The following KIAA0586 variants were observed in gnomAD, a reference collection of about 807,000 sequenced individuals.
The protein encoded by KIAA0586 is protein TALPID3.
Under a neutral mutation model 169.8 loss-of-function variants are expected in KIAA0586, and 144 were observed. The observed-to-expected ratio is 0.85, with a 90% CI of 0.74 to 0.97. The LOEUF (loss-of-function observed/expected upper bound fraction) is 0.97. KIAA0586 is among the 50% of genes least tolerant of loss of function. The pLI, the probability that KIAA0586 is intolerant of heterozygous loss-of-function variation, is 0.00. For missense variants in KIAA0586, 1,854 were observed against 1,823.0 expected (o/e 1.02, Z -0.31); for synonymous variants, 625 against 612.4 (o/e 1.02, Z -0.30).
At chr14:58,547,568 TCTGA>T (rs1449545210) in intron 30 of KIAA0586, among the ~76,000 whole-genome samples, 1 of 152,174 alleles carries the variant, frequency 6.6e-6, no homozygotes, top group African/African-American at 2.4e-5. Context: ...TGATGTTGTC[TCTGA>T]CTGATTAGGA....
At chr14:58,519,028 A>G (rs2044984096) in intron 29 of KIAA0586, among the ~76,000 whole-genome samples, 2 of 152,200 alleles carry the variant, frequency 1.3e-5, no homozygotes, top group Non-Finnish European at 1.5e-5. Context: ...GCTACTTGGG[A>G]GGCTGAGACA....
intron 16 of KIAA0586, among the ~76,000 whole-genome samples, chr14:58,468,294 A>G (rs1177505604): frequency 6.6e-6 from 1 of 151,818 alleles, no homozygotes; most frequent in Non-Finnish European, 1.5e-5. Context: ...AGGTGAATCC[A>G]CCTGCATTGG....
At chr14:58,558,589 T>G in the KIAA0586 span, among the ~76,000 whole-genome samples, 1 of 152,196 alleles carries the variant, frequency 6.6e-6, no homozygotes, top group African/African-American at 2.4e-5. Flanking sequence ...TTTTTGCATA[T>G]GAAACAAGCA....
chr14:58,452,604 G>C (rs2039481788), intron 8 of KIAA0586, among the ~76,000 whole-genome samples: 1 of 152,150 alleles, frequency 6.6e-6, no homozygotes, highest in African/African-American at 2.4e-5. Context: ...TATTTTACTG[G>C]ACTTCGTGAT....
chr14:58,513,522 C>T (rs151300436), intron 29 of KIAA0586, among the ~76,000 whole-genome samples: 16 of 151,656 alleles, frequency 1.1e-4, no homozygotes, highest in Non-Finnish European at 1.8e-4. Flanking sequence ...TTTCACTCTT[C>T]CATTTGTTGT....
At chr14:58,559,508 A>T in the KIAA0586 span, among the ~76,000 whole-genome samples, 1 of 152,146 alleles carries the variant, frequency 6.6e-6, no homozygotes, top group Admixed American at 6.5e-5. Flanking sequence ...ACTGGTTTTT[A>T]TATTTTGTCC....
chr14:58,507,211 TTA>T (rs1179858385), intron 27 of KIAA0586, among the ~76,000 whole-genome samples: 5 of 142,278 alleles, frequency 3.5e-5, no homozygotes, highest in South Asian at 2.2e-4. Flanking sequence ...TATGTATGAT[TTA>T]TATATATAAA....
Position 58,427,917 on chromosome 14 carries a change from C to G in KIAA0586, c.-348C>G. 4 of 1,373,484 alleles carry G rather than the reference C, an allele frequency of 2.9e-6. No homozygotes were observed. The highest frequency in any genetic ancestry group is 2.6e-5 in the East Asian group (1 of 38,602). 85.1% of individuals were successfully genotyped at this position (1,373,484 alleles called of 1,614,324 possible). On this transcript the variant is annotated 5_prime_UTR_variant, in exon 1 of 31. Transcript: ENST00000652326. The stretch of plus-strand genomic sequence containing the variant: ...TATTTGCTTGACTGCCTCTTCTCAA[C>G]AAATTTTAAGCCCGCCACTACATGT...
intron 30 of KIAA0586, among the ~76,000 whole-genome samples, chr14:58,545,009 AC>A (rs2046892989): frequency 6.6e-6 from 1 of 152,190 alleles, no homozygotes; most frequent in Non-Finnish European, 1.5e-5. Flanking sequence ...GTATTCCTAT[AC>A]ATGTTTATCT....
At chr14:58,553,611 A>G (rs2047229729), downstream of KIAA0586, among the ~76,000 whole-genome samples, 1 of 150,822 alleles carries the variant, frequency 6.6e-6, no homozygotes, top group African/African-American at 2.5e-5. Context: ...GATCTCAGGT[A>G]AGCTGTTTGT....
intron 16 of KIAA0586, among the ~76,000 whole-genome samples, chr14:58,469,600 G>A (rs1467993896): frequency 1.3e-5 from 2 of 152,154 alleles, no homozygotes; most frequent in Non-Finnish European, 2.9e-5. Flanking sequence ...AGATCAGGGG[G>A]CAAAGAATCC....
chr14:58,514,724 C>A (rs1433679339), intron 29 of KIAA0586, among the ~76,000 whole-genome samples: 3 of 151,932 alleles, frequency 2.0e-5, no homozygotes, highest in Admixed American at 2.0e-4. Flanking sequence ...AAGAGTAAAA[C>A]CTTTTAATTT....
intron 29 of KIAA0586, among the ~76,000 whole-genome samples, chr14:58,528,949 G>C (rs1041399877): frequency 1.3e-5 from 2 of 152,066 alleles, no homozygotes; most frequent in Non-Finnish European, 2.9e-5. Context: ...AAAATGGATA[G>C]ACCACTAGCT....
chr14:58,518,597 A>G (rs1035695532), intron 29 of KIAA0586, among the ~76,000 whole-genome samples: 2 of 152,230 alleles, frequency 1.3e-5, no homozygotes, highest in Admixed American at 1.3e-4. Flanking sequence ...AACTCAGTAA[A>G]CATTAATTGA....
chr14:58,431,257 G>A (rs2037340249), intron 3 of KIAA0586, among the ~76,000 whole-genome samples: 1 of 152,110 alleles, frequency 6.6e-6, no homozygotes, highest in Non-Finnish European at 1.5e-5. Flanking sequence ...TTTAGTATTA[G>A]ATATGTTTAT....
rs187807903 is a variant in KIAA0586 at position 58,525,151 on chromosome 14, A to G, written c.4429+12524A>G. ...TAAAGGATGCTGGTGAGGAAATGCT[A>G]AAGATGGTACATGTTCAATATAGTG... On this transcript the variant is annotated intron_variant, in intron 29 of 30. Transcript: ENST00000652326. 5.9e-5 allele frequency among the ~76,000 whole-genome samples: 9 copies of G among 152,326 alleles called. No homozygotes were observed. In the South Asian group the frequency reaches 6.2e-4, roughly 11 times the overall value.
chr14:58,451,427 A>G (rs375905346), intron 8 of KIAA0586, among the ~76,000 whole-genome samples: 1 of 151,460 alleles, frequency 6.6e-6, no homozygotes, highest in Non-Finnish European at 1.5e-5. Context: ...GGGTTTCACT[A>G]TGTTTCCCAG....
At chr14:58,459,189 C>T (rs2040123359) in intron 12 of KIAA0586, among the ~76,000 whole-genome samples, 1 of 151,996 alleles carries the variant, frequency 6.6e-6, no homozygotes, top group Non-Finnish European at 1.5e-5. Flanking sequence ...ACAAGGGTAG[C>T]AAGGTGAAGC....
At chr14:58,504,854 A>G (rs1337991789) in intron 27 of KIAA0586, among the ~76,000 whole-genome samples, 1 of 152,094 alleles carries the variant, frequency 6.6e-6, no homozygotes, top group Admixed American at 6.5e-5. Flanking sequence ...ATAATTCTCT[A>G]ATGTCACCTG....
Sources: gnomAD v4.1 joint callset for allele counts (sites outside exome capture counted in the v4.1 genomes callset) on GRCh38, gnomAD v4.1.1 for gene constraint, MANE v1.5 for transcripts, NCBI Gene and HGNC (gene_info 2026-07-23, HGNC 2026-07-21) for gene names.